SMARCA2: variants seen among roughly 807,000 people sequenced by gnomAD.
SMARCA2 encodes SWI/SNF-related matrix-associated actin-dependent regulator of chromatin subfamily A member 2.
A neutral mutation model predicts 199.8 loss-of-function variants in SMARCA2; 61 were observed. That is an observed-to-expected ratio of 0.31 (90% CI 0.25 to 0.38). The LOEUF (loss-of-function observed/expected upper bound fraction) is 0.38, where lower values mean the gene tolerates loss of function less well. Ranked by LOEUF, SMARCA2 falls within the 10% of genes least tolerant of loss-of-function variation. The pLI is 1.00. For synonymous variants in SMARCA2, 935 were observed against 732.0 expected (o/e 1.28, Z -4.48); for missense variants, 1,344 against 2,012.2 (o/e 0.67, Z 6.35).
chr9:2,175,127 GTGTC>G (rs964968036), intron 29 of SMARCA2, among the ~76,000 whole-genome samples: 7 of 152,108 alleles, frequency 4.6e-5, no homozygotes, highest in Non-Finnish European at 7.4e-5. Flanking sequence ...GGGTCATCCG[GTGTC>G]TGTCTGTCAT....
chr9:2,111,042 T>TTTG (rs2130581570), intron 24 of SMARCA2, among the ~76,000 whole-genome samples: 1 of 110,192 alleles, frequency 9.1e-6, no homozygotes, highest in South Asian at 2.6e-4. Flanking sequence ...TACTTTGATG[T>TTTG]TTTGTTTTTT....
At chr9:2,094,920 A>G (rs1326520980) in intron 19 of SMARCA2, among the ~76,000 whole-genome samples, 1 of 152,178 alleles carries the variant, frequency 6.6e-6, no homozygotes, top group Non-Finnish European at 1.5e-5. Flanking sequence ...GTGAGTTAAC[A>G]GCTCTTGAAA....
chr9:2,120,112 G>A (rs552563500), intron 26 of SMARCA2, among the ~76,000 whole-genome samples: 1 of 152,330 alleles, frequency 6.6e-6, no homozygotes, highest in East Asian at 1.9e-4. Context: ...GAACCTTCAA[G>A]GTGTGCATAA....
At chr9:2,090,211 T>C (rs1211457310) in intron 19 of SMARCA2, among the ~76,000 whole-genome samples, 1 of 152,194 alleles carries the variant, frequency 6.6e-6, no homozygotes, top group Non-Finnish European at 1.5e-5. Flanking sequence ...TGAAGGATGA[T>C]AAAATTTTTA....
At chr9:2,154,926 G>A (rs1825270082) in intron 27 of SMARCA2, among the ~76,000 whole-genome samples, 1 of 152,184 alleles carries the variant, frequency 6.6e-6, no homozygotes, top group Non-Finnish European at 1.5e-5. Context: ...ACTGTGTTAA[G>A]AGTAGATAGT....
intron 1 of SMARCA2, 145 bp from the exon 2 acceptor site, chr9:2,028,842 A>G: frequency 1.5e-6 from 1 of 650,412 alleles, no homozygotes; most frequent in East Asian, 2.8e-5. Flanking sequence ...TGTATATCAC[A>G]CTCACTCAAA....
chr9:2,185,242 A>G (rs1827355185), intron 31 of SMARCA2, among the ~76,000 whole-genome samples: 1 of 152,156 alleles, frequency 6.6e-6, no homozygotes, highest in African/African-American at 2.4e-5. Flanking sequence ...GAATTTGCCC[A>G]TTTTAGATAC....
intron 23 of SMARCA2, among the ~76,000 whole-genome samples, chr9:2,105,961 T>C (rs980366325): frequency 2.6e-5 from 4 of 152,266 alleles, no homozygotes; most frequent in African/African-American, 9.6e-5. Flanking sequence ...ATTGCTTTCA[T>C]GTTTTCTTGT....
chr9:2,129,989 G>T (rs1007564626), intron 27 of SMARCA2, among the ~76,000 whole-genome samples: 2 of 152,056 alleles, frequency 1.3e-5, no homozygotes, highest in Non-Finnish European at 1.5e-5. Context: ...GAGTACCTAG[G>T]ACTACAGGTA....
At chr9:2,053,067 C>T (rs1446608074) in intron 5 of SMARCA2, among the ~76,000 whole-genome samples, 1 of 152,102 alleles carries the variant, frequency 6.6e-6, no homozygotes, top group Non-Finnish European at 1.5e-5. Context: ...TGCAGTTGAT[C>T]CCATCATTCA....
At chr9:2,106,482 G>C (rs898984880) in intron 23 of SMARCA2, among the ~76,000 whole-genome samples, 4 of 152,184 alleles carry the variant, frequency 2.6e-5, no homozygotes, top group Admixed American at 6.5e-5. Context: ...AATTGAAAAG[G>C]CATCTTTCCG....
chr9:2,129,527 C>T (rs1030635125), intron 27 of SMARCA2, among the ~76,000 whole-genome samples: 1 of 152,198 alleles, frequency 6.6e-6, no homozygotes, highest in Non-Finnish European at 1.5e-5. Flanking sequence ...TCCTCCAGCT[C>T]ATCAGTGTGT....
intron 27 of SMARCA2, among the ~76,000 whole-genome samples, chr9:2,136,153 A>G (rs1473679817): frequency 8.5e-6 from 1 of 116,974 alleles, no homozygotes; most frequent in African/African-American, 3.1e-5. Context: ...TTTACTTTTT[A>G]TTGTGGTTTT....
chr9:2,144,946 A>G (rs1044778433), intron 27 of SMARCA2, among the ~76,000 whole-genome samples: 3 of 152,224 alleles, frequency 2.0e-5, no homozygotes, highest in Admixed American at 6.5e-5. Context: ...TGAATGAAAA[A>G]AAAGCCAAAA....
intron 26 of SMARCA2, among the ~76,000 whole-genome samples, chr9:2,120,678 TATAATGATCCACAATAAA>T (rs1364920419): frequency 6.6e-6 from 1 of 152,134 alleles, no homozygotes; most frequent in Admixed American, 6.5e-5. Flanking sequence ...ATTGATTGTA[TATAATGATCCACAATAAA>T]ATTTTCTTTC....
chr9:2,019,862 T>G (rs1217235657), intron 1 of SMARCA2, among the ~76,000 whole-genome samples: 2 of 152,032 alleles, frequency 1.3e-5, no homozygotes, highest in Non-Finnish European at 1.5e-5. Flanking sequence ...AAACAAGGCC[T>G]TTGTCAAACT....
chr9:2,032,864 T>A (rs1819132685), intron 2 of SMARCA2, 88 bp from the exon 3 acceptor site: 2 of 1,273,948 alleles, frequency 1.6e-6, no homozygotes, highest in African/African-American at 3.0e-5. Flanking sequence ...GCCACACTTT[T>A]AAAGAACTTA....
chr9:2,151,794 T>C (rs963781935), intron 27 of SMARCA2, among the ~76,000 whole-genome samples: 1 of 151,668 alleles, frequency 6.6e-6, no homozygotes, highest in African/African-American at 2.4e-5. Flanking sequence ...CCAATGAATA[T>C]AAAAAAAACA....
intron 9 of SMARCA2, among the ~76,000 whole-genome samples, chr9:2,068,341 G>T (rs933361822): frequency 2.0e-5 from 3 of 152,026 alleles, no homozygotes; most frequent in Admixed American, 6.6e-5. Context: ...TAACCAAAGG[G>T]AGCATTTTAT....
Sources: gnomAD v4.1 joint callset for allele counts (sites outside exome capture counted in the v4.1 genomes callset) on GRCh38, gnomAD v4.1.1 for gene constraint, MANE v1.5 for transcripts, NCBI Gene and HGNC (gene_info 2026-07-23, HGNC 2026-07-21) for gene names.